The following SV2B variants were observed in gnomAD, a reference collection of about 807,000 sequenced individuals.
SV2B encodes solute carrier family 22 member B2.
Under a neutral mutation model 73.9 loss-of-function variants are expected in SV2B, and 41 were observed. The observed-to-expected ratio is 0.56, with a 90% confidence interval of 0.43 to 0.72. SV2B has a LOEUF of 0.72. Ranked by LOEUF, SV2B falls within the 30% of genes least tolerant of loss-of-function variation. The pLI, the probability that SV2B is intolerant of heterozygous loss-of-function variation, is 0.00. For missense variants in SV2B, 764 were observed against 857.8 expected (o/e 0.89, Z 1.37); for synonymous variants, 314 against 314.2 (o/e 1.00, Z 0.01).
At chr15:91,152,600 C>T (rs2043347965) in intron 1 of SV2B, among the ~76,000 whole-genome samples, 2 of 152,064 alleles carry the variant, frequency 1.3e-5, no homozygotes, top group Non-Finnish European at 2.9e-5. Flanking sequence ...TCAAAGTAAC[C>T]ATAGGAAAGA....
rs199708404 is a variant in SV2B at position 91,143,739 on chromosome 15, ATGTT to A, written c.-392+43381_-392+43384del. 7.8e-3 allele frequency among the ~76,000 whole-genome samples: 1,194 copies of A among 152,320 alleles called. 17 individuals are homozygous for A. The highest frequency in any genetic ancestry group is 0.028 in the African/African-American group (1,155 of 41,566). ...GATTCTGATGATTCAGACGATTCTGATGTTTGTTCTGTTTAGAAATAACTCCAAG... is the reference window on the plus strand; with the variant it reads ...GATTCTGATGATTCAGACGATTCTGATGTTCTGTTTAGAAATAACTCCAAG... On this transcript the variant is annotated intron_variant, in intron 1 of 12. Transcript: ENST00000394232.
chr15:91,109,651 A>G (rs952253585), intron 1 of SV2B, among the ~76,000 whole-genome samples: 1 of 152,218 alleles, frequency 6.6e-6, no homozygotes, highest in Non-Finnish European at 1.5e-5. Flanking sequence ...ACCTTAATTG[A>G]ACTGTAGGAT....
At chr15:91,183,294 G>T (rs1464229578) in intron 1 of SV2B, among the ~76,000 whole-genome samples, 1 of 152,164 alleles carries the variant, frequency 6.6e-6, no homozygotes, top group Non-Finnish European at 1.5e-5. Context: ...TCTTCTCTTG[G>T]ATTACCCAGA....
rs2141438571 is a variant in SV2B, at chr15:91,214,497, A to G, written c.-391-11376A>G. Among the ~76,000 whole-genome samples the G allele has an allele frequency of 6.6e-6, 1 of 152,354 alleles. No homozygotes were observed. Among genetic ancestry groups the G allele is most frequent in the East Asian group, 1.9e-4 (1 of 5,186 alleles). The stretch of plus-strand genomic sequence containing the variant: ...TCTCATAACAATGCAATGAATAGGA[A>G]TCCTTATTATCCTCATTTCACACAT... On this transcript the variant is annotated intron_variant, in intron 1 of 12. Transcript: ENST00000394232. The surrounding 1 kb of genome is among the most constrained non-coding windows in gnomAD (Gnocchi z 4.7).
chr15:91,175,616 C>T (rs1479991040), intron 1 of SV2B, among the ~76,000 whole-genome samples: 1 of 151,878 alleles, frequency 6.6e-6, no homozygotes, highest in Non-Finnish European at 1.5e-5. Context: ...TACCTAGAAA[C>T]GTGTTAAGTA....
intron 1 of SV2B, among the ~76,000 whole-genome samples, chr15:91,114,125 A>C (rs541198746): frequency 1.0e-4 from 14 of 139,588 alleles, no homozygotes; most frequent in Non-Finnish European, 2.1e-4. Context: ...CGGAGCTTGC[A>C]GTGAGCCGAG....
chr15:91,101,335 C>T (rs948301732), intron 1 of SV2B, among the ~76,000 whole-genome samples: 1 of 152,094 alleles, frequency 6.6e-6, no homozygotes, highest in African/African-American at 2.4e-5. Flanking sequence ...CTGCTTCCTG[C>T]CCTTTCCAGA....
At chr15:91,187,200 G>A (rs2044806377) in intron 1 of SV2B, among the ~76,000 whole-genome samples, 1 of 152,244 alleles carries the variant, frequency 6.6e-6, no homozygotes, top group African/African-American at 2.4e-5. Flanking sequence ...TGTTGGAGGT[G>A]AATAATTTAT....
chr15:91,262,887 C>G (rs1289802127), intron 6 of SV2B, among the ~76,000 whole-genome samples: 1 of 152,324 alleles, frequency 6.6e-6, no homozygotes, highest in African/African-American at 2.4e-5. Context: ...GTACTTGGCT[C>G]AGTCCTGCCA....
At position 91,266,646 on chromosome 15, in the gene SV2B, C is replaced by T. The variant is rs1159294794; in HGVS notation, c.1073C>T (p.Thr358Ile). 1.6e-5 allele frequency: 26 copies of T among 1,614,150 alleles called. 1 individual carries two copies. Among genetic ancestry groups the T allele is most frequent in the Non-Finnish European group, 2.2e-5 (26 of 1,180,020 alleles). The change falls in exon 7 of 13, where the codon ACC becomes ATC. Residue 358 changes from threonine (T) to isoleucine (I), a missense_variant. Physicochemically the swap from Thr to Ile is moderately conservative, Grantham distance 89. Transcript: ENST00000394232. ...EFIEIQSSTG[T>I]WYQRWLVRFK... ...ATTGAGATCCAAAGTTCAACAGGAA[C>T]CTGGTACCAGCGCTGGCTGGTCAGA...
rs1029203758 is a variant in SV2B, at chr15:91,266,621, A to G, written c.1048A>G (p.Ile350Val). ...IKTPKQMDEF[I>V]EIQSSTGTWY... ...AACTCCCAAGCAAATGGATGAATTC[A>G]TTGAGATCCAAAGTTCAACAGGAAC... is the stretch of plus-strand genomic sequence containing the variant. The change falls in exon 7 of 13, where the codon ATT becomes GTT. Residue 350 changes from isoleucine (I) to valine (V), a missense_variant. Transcript: ENST00000394232. The G allele has an allele frequency of 1.9e-6, 3 of 1,614,082 alleles. No individual in the cohort carries two copies. Among genetic ancestry groups the G allele is most frequent in the African/African-American group, 2.7e-5 (2 of 74,934 alleles).
rs1412395252 is a variant in SV2B, at chr15:91,299,565, G to T, written c.*7013G>T. 1 of 152,152 alleles carries T rather than the reference G, an allele frequency of 6.6e-6. No homozygotes were observed. Among genetic ancestry groups the T allele is most frequent in the Non-Finnish European group, 1.5e-5 (1 of 68,022 alleles). The allele number at this position is 152,152 out of a possible 1,614,324, so 9.4% of individuals were successfully genotyped here. ...GTCTCAGGACGAGGATATTTGGTAG[G>T]TATCCTTAAATATATAGATGCTTAC... On this transcript the variant is annotated 3_prime_UTR_variant, in exon 13 of 13. Transcript: ENST00000394232.
At position 91,223,278 on chromosome 15, in the gene SV2B, C is replaced by T. The variant is rs1249827369; in HGVS notation, c.-391-2595C>T. ...TGCCGGCAGTCAGAACTTCAACATA[C>T]CTTCACGCTATAGGGACACAATTCA... On this transcript the variant is annotated intron_variant, in intron 1 of 12. Coordinates refer to ENST00000394232, the MANE Select transcript of SV2B (RefSeq NM_001323032.3). This position sits in a 1 kb window ranked among gnomAD's most constrained non-coding sequence, Gnocchi z 4.6. Among the ~76,000 whole-genome samples, 1 of 152,184 alleles carries T rather than the reference C, an allele frequency of 6.6e-6. No homozygotes were observed. Among genetic ancestry groups the T allele is most frequent in the Admixed American group, 6.5e-5 (1 of 15,276 alleles).
intron 1 of SV2B, among the ~76,000 whole-genome samples, chr15:91,166,454 A>G (rs1305118859): frequency 6.6e-6 from 1 of 152,012 alleles, no homozygotes; most frequent in Non-Finnish European, 1.5e-5. Context: ...TTTGAGTTTC[A>G]CTAAACTTCT....
intron 1 of SV2B, among the ~76,000 whole-genome samples, chr15:91,171,909 C>T (rs2141282078): frequency 6.6e-6 from 1 of 152,286 alleles, no homozygotes; most frequent in Admixed American, 6.5e-5. Flanking sequence ...ACTCCCTCTT[C>T]ACACCATCTG....
At chr15:91,235,995 G>A (rs537599366) in intron 2 of SV2B, among the ~76,000 whole-genome samples, 2 of 152,294 alleles carry the variant, frequency 1.3e-5, no homozygotes, top group South Asian at 2.1e-4. Flanking sequence ...GCTAACTGCC[G>A]TAACTACTTT....
intron 1 of SV2B, among the ~76,000 whole-genome samples, chr15:91,131,191 T>C (rs535911865): frequency 4.0e-5 from 6 of 149,456 alleles, no homozygotes; most frequent in African/African-American, 1.2e-4. Context: ...GGTCTCACTT[T>C]GTTGCCCAGG....
At chr15:91,102,759 T>G (rs924969074) in intron 1 of SV2B, among the ~76,000 whole-genome samples, 4 of 152,238 alleles carry the variant, frequency 2.6e-5, no homozygotes, top group Admixed American at 6.5e-5. Flanking sequence ...TTGTTATTTA[T>G]TTTTATACAG....
In SV2B at chr15:91,123,303, A is replaced by G. The variant is rs867313933; in HGVS notation, c.-392+22940A>G. Among the ~76,000 whole-genome samples the G allele has an allele frequency of 6.6e-6, 1 of 152,188 alleles. No individual in the cohort carries two copies. Among genetic ancestry groups the G allele is most frequent in the African/African-American group, 2.4e-5 (1 of 41,448 alleles). ...AAACAAAAAATTGCAAAGGGAGTAG[A>G]TTTTGTGTTCTTATCATACACACAT... On this transcript the variant is annotated intron_variant, in intron 1 of 12. Coordinates refer to ENST00000394232, the MANE Select transcript of SV2B (RefSeq NM_001323032.3). This position sits in a 1 kb window ranked among gnomAD's most constrained non-coding sequence, Gnocchi z 4.7.
Sources: gnomAD v4.1 joint callset for allele counts (sites outside exome capture counted in the v4.1 genomes callset) on GRCh38, gnomAD v4.1.1 for gene constraint, Gnocchi (gnomAD v3.1) non-coding constraint, MANE v1.5 for transcripts, NCBI Gene and HGNC (gene_info 2026-07-23, HGNC 2026-07-21) for gene names.